The following FRMD6 variants were observed in gnomAD, a reference collection of about 807,000 sequenced individuals.
The protein encoded by FRMD6 is FERM domain containing 6, also known as FERM domain-containing protein 6.
In FRMD6, 37 loss-of-function variants were observed where a neutral mutation model predicts 73.2. The observed-to-expected ratio is 0.51, with a 90% confidence interval of 0.39 to 0.66. The LOEUF (loss-of-function observed/expected upper bound fraction) is 0.66. Among genes scored for constraint, FRMD6 ranks in the 30% least tolerant of loss-of-function variants. FRMD6 has a pLI of 0.00. For synonymous variants in FRMD6, 273 were observed against 282.2 expected (o/e 0.97, Z 0.33); for missense variants, 714 against 780.5 (o/e 0.91, Z 1.02).
chr14:51,637,467 A>ACG (rs1891621372), intron 2 of FRMD6: 4 of 126,574 alleles, frequency 3.2e-5, no homozygotes, highest in Admixed American at 1.5e-4. Context: ...ACACACAGGC[A>ACG]CACACACACA....
the FRMD6 span, among the ~76,000 whole-genome samples, chr14:51,399,865 C>T: frequency 1.3e-5 from 2 of 151,316 alleles, no homozygotes; most frequent in Admixed American, 6.6e-5. Flanking sequence ...AAGGCAAATA[C>T]AGGCGAATAA....
chr14:51,686,901 C>T (rs1436723578), intron 1 of FRMD6, among the ~76,000 whole-genome samples: 1 of 152,078 alleles, frequency 6.6e-6, no homozygotes, highest in Non-Finnish European at 1.5e-5. Context: ...GCTATTTTGC[C>T]ATTTCATTGG....
At chr14:51,442,529 G>A in the FRMD6 span, among the ~76,000 whole-genome samples, 2 of 152,080 alleles carry the variant, frequency 1.3e-5, no homozygotes, top group Non-Finnish European at 2.9e-5. Context: ...TTCTATTCTA[G>A]CAAACTTCTA....
intron 2 of FRMD6, among the ~76,000 whole-genome samples, chr14:51,624,729 C>T (rs543870359): frequency 4.6e-5 from 7 of 152,316 alleles, no homozygotes; most frequent in African/African-American, 1.7e-4. Flanking sequence ...ATGTTTTTCA[C>T]TTACCCTTCT....
chr14:51,715,321 A>G lies in FRMD6; in HGVS notation c.850-4A>G. 1 of 1,541,568 alleles carries G rather than the reference A, an allele frequency of 6.5e-7. No individual in the cohort carries two copies. The highest frequency in any genetic ancestry group is 8.8e-7 in the Non-Finnish European group (1 of 1,138,918). On this transcript the variant is annotated splice_region_variant and splice_polypyrimidine_tract_variant and intron_variant, in intron 9 of 13. Transcript: ENST00000344768. ...TGAATTTGATTCATGGTTTCCTTCC[A>G]AAGGGTAAGAAATTTGAGATTTTGC...
At chr14:51,714,685 G>A (rs1897148888) in intron 9 of FRMD6, 1 of 152,034 alleles carries the variant, frequency 6.6e-6, no homozygotes, top group Non-Finnish European at 1.5e-5. Flanking sequence ...GTTTAGCTAG[G>A]GAAGTTTTCC....
the FRMD6 span, among the ~76,000 whole-genome samples, chr14:51,458,549 A>C: frequency 6.6e-6 from 1 of 152,208 alleles, no homozygotes; most frequent in Non-Finnish European, 1.5e-5. Context: ...CCTCAATACT[A>C]TCTCTACAGA....
chr14:51,630,881 A>G (rs898434448), intron 2 of FRMD6, among the ~76,000 whole-genome samples: 5 of 152,244 alleles, frequency 3.3e-5, no homozygotes, highest in Admixed American at 6.5e-5. Context: ...GCCAACAATT[A>G]TCTTGTAGTA....
At chr14:51,580,257 G>A (rs937567757) in intron 2 of FRMD6, among the ~76,000 whole-genome samples, 1 of 152,138 alleles carries the variant, frequency 6.6e-6, no homozygotes, top group African/African-American at 2.4e-5. Flanking sequence ...GAAATGGACA[G>A]GCTCTGGATG....
chr14:51,660,419 C>A (rs12879807), intron 1 of FRMD6, among the ~76,000 whole-genome samples: 20,684 of 151,990 alleles, frequency 0.14, 1,538 homozygotes, highest in African/African-American at 0.16. Context: ...ATTTTTCTAT[C>A]CTTCAAGCCC....
intron 2 of FRMD6, among the ~76,000 whole-genome samples, chr14:51,697,799 T>C (rs1216213257): frequency 6.6e-6 from 1 of 152,140 alleles, no homozygotes; most frequent in Non-Finnish European, 1.5e-5. Flanking sequence ...TTAAAAAAGA[T>C]ACTTGCCAAA....
At chr14:51,509,925 G>A (rs1272369822) in intron 1 of FRMD6, among the ~76,000 whole-genome samples, 1 of 152,148 alleles carries the variant, frequency 6.6e-6, no homozygotes, top group Non-Finnish European at 1.5e-5. Flanking sequence ...TGCCCTGCGC[G>A]TACGTGTATA....
In FRMD6 at chr14:51,687,058, T is replaced by C. The variant is rs1254883985; in HGVS notation, c.-146-2633T>C. On this transcript the variant is annotated intron_variant, in intron 1 of 13. Coordinates refer to ENST00000344768, the MANE Select transcript of FRMD6 (RefSeq NM_001267046.2). ...GTATCGACTCTGCTTTTATTACATT[T>C]GCTTCAATAATCCTCTTCCAGTCAT... Among the ~76,000 whole-genome samples, 5 of 152,174 alleles carry C rather than the reference T, an allele frequency of 3.3e-5. No homozygotes were observed. The East Asian group carries it at 9.6e-4, about 29-fold the overall frequency.
intron 2 of FRMD6, among the ~76,000 whole-genome samples, chr14:51,580,146 G>GTT (rs1442448545): frequency 6.6e-6 from 1 of 152,052 alleles, no homozygotes; most frequent in African/African-American, 2.4e-5. Flanking sequence ...GTGTGTGTGT[G>GTT]TGTATGTTTG....
Position 51,569,764 on chromosome 14 carries a change from A to G in FRMD6, c.-209-584A>G, listed in dbSNP as rs1336332220. 4.0e-5 allele frequency among the ~76,000 whole-genome samples: 6 copies of G among 150,462 alleles called. No individual in the cohort carries two copies. The East Asian group carries it at 9.8e-4, about 25-fold the overall frequency. The stretch of plus-strand genomic sequence containing the variant: ...TGATGTGCCCATGTCAGCCTCCCAA[A>G]GAGCTGAGATTACAGGCTTGAGGCA... On this transcript the variant is annotated intron_variant, in intron 1 of 14. Coordinates refer to the FRMD6 transcript ENST00000356218.
chr14:51,722,120 T>C, intron 12 of FRMD6, 40 bp downstream of exon 12: 1 of 1,610,590 alleles, frequency 6.2e-7, no homozygotes, highest in Non-Finnish European at 8.5e-7. Context: ...TGGTAGCAGG[T>C]TATCCAGGAC....
intron 1 of FRMD6, among the ~76,000 whole-genome samples, chr14:51,658,739 A>G (rs1893011435): frequency 6.6e-6 from 1 of 152,208 alleles, no homozygotes; most frequent in Non-Finnish European, 1.5e-5. Context: ...GAGAGATCTA[A>G]CAGATAAAAC....
At chr14:51,610,340 A>T (rs202177853) in intron 2 of FRMD6, among the ~76,000 whole-genome samples, 7,906 of 122,888 alleles carry the variant, frequency 0.064, 269 homozygotes, top group Middle Eastern at 0.11. Flanking sequence ...TTTTTTTTTA[A>T]AAAAAAAAAA....
At chr14:51,438,856 G>T in the FRMD6 span, among the ~76,000 whole-genome samples, 1 of 146,980 alleles carries the variant, frequency 6.8e-6, no homozygotes, top group East Asian at 2.0e-4. Flanking sequence ...TAGGGCAGTT[G>T]CTGGCATGTC....
Sources: allele counts gnomAD v4.1 joint callset (sites outside exome capture counted in the v4.1 genomes callset), GRCh38; gene constraint gnomAD v4.1.1; transcripts MANE v1.5; gene names NCBI Gene and HGNC (gene_info 2026-07-23, HGNC 2026-07-21).